The following MED13L variants were observed in gnomAD, a reference collection of about 807,000 sequenced individuals.
The protein encoded by MED13L is mediator complex subunit 13L.
A neutral mutation model predicts 220.9 loss-of-function variants in MED13L; 7 were observed. The observed-to-expected ratio is 0.03, with a 90% CI of 0.02 to 0.06. MED13L has a LOEUF of 0.06. MED13L is among the 10% of genes least tolerant of loss of function. MED13L has a pLI of 1.00. For missense variants in MED13L, 1,965 were observed against 2,760.5 expected, an observed-to-expected ratio of 0.71 and a Z score of 6.46; for synonymous variants, 1,011 against 1,015.2, an observed-to-expected ratio of 1.00 and a Z score of 0.08.
At chr12:115,972,298 G>C in intron 25 of MED13L, 62 bp from the exon 26 acceptor site, 1 of 1,591,544 alleles carries the variant, frequency 6.3e-7, no homozygotes, top group East Asian at 2.2e-5. Flanking sequence ...GGAGATTTGA[G>C]CTTTTTAGCA....
intron 4 of MED13L, among the ~76,000 whole-genome samples, chr12:116,093,679 T>C (rs1413808482): frequency 6.6e-6 from 1 of 152,014 alleles, no homozygotes; most frequent in Non-Finnish European, 1.5e-5. Flanking sequence ...GCATATACTA[T>C]CTATATGCTA....
intron 13 of MED13L, among the ~76,000 whole-genome samples, chr12:116,003,959 G>T (rs1013842518): frequency 6.6e-6 from 1 of 152,138 alleles, no homozygotes; most frequent in African/African-American, 2.4e-5. Context: ...AACACTCAGA[G>T]AAATGAAAAT....
intron 28 of MED13L, among the ~76,000 whole-genome samples, chr12:115,966,676 T>C (rs1458126733): frequency 6.6e-6 from 1 of 152,180 alleles, no homozygotes; most frequent in Non-Finnish European, 1.5e-5. Flanking sequence ...AGCACAAAAG[T>C]TCCTGAGCTG....
chr12:116,200,748 A>T (rs1043749208), intron 2 of MED13L, among the ~76,000 whole-genome samples: 4 of 152,204 alleles, frequency 2.6e-5, no homozygotes, highest in Non-Finnish European at 5.9e-5. Context: ...TTAATCAATA[A>T]ATTTGAATTT....
chr12:115,981,467 T>C (rs926463335), intron 22 of MED13L, among the ~76,000 whole-genome samples: 1 of 152,230 alleles, frequency 6.6e-6, no homozygotes, highest in Non-Finnish European at 1.5e-5. Context: ...GCATTGTTTT[T>C]CATCTATATA....
At chr12:116,065,852 A>T (rs1869878212) in intron 4 of MED13L, among the ~76,000 whole-genome samples, 1 of 152,248 alleles carries the variant, frequency 6.6e-6, no homozygotes, top group South Asian at 2.1e-4. Flanking sequence ...GTTTTGGAAG[A>T]AAAACAGAAC....
At chr12:115,982,718 A>C in intron 21 of MED13L, 115 bp from the exon 22 acceptor site, 1 of 982,558 alleles carries the variant, frequency 1.0e-6, no homozygotes, top group African/African-American at 1.6e-5. Context: ...TTTACAGATT[A>C]AAGGTAAGAG....
chr12:116,132,222 G>C (rs1876131891), intron 2 of MED13L, among the ~76,000 whole-genome samples: 1 of 149,366 alleles, frequency 6.7e-6, no homozygotes, highest in Admixed American at 6.7e-5. Context: ...AGAGACTGCA[G>C]TGAGCCGAGA....
rs935713242 is a variant in MED13L, at chr12:116,233,892, T to C, written c.310+3576A>G. Among the ~76,000 whole-genome samples the C allele has an allele frequency of 3.9e-5, 6 of 152,218 alleles. No individual in the cohort carries two copies. The South Asian group carries it at 6.2e-4, about 16-fold the overall frequency. Reference sequence around the variant, plus strand: ...ACAAGGACAGATTATAAATGTGTTATAGCCTTCTCTCAGACTATTTCAGAG... The same window carrying C: ...ACAAGGACAGATTATAAATGTGTTACAGCCTTCTCTCAGACTATTTCAGAG... On this transcript the variant is annotated intron_variant, in intron 2 of 30. Transcript: ENST00000281928.
rs36066243 is a variant in MED13L, at chr12:116,103,999, C to CTTTTTTTTTTT, written c.396-7258_396-7248dup. The stretch of plus-strand genomic sequence containing the variant: ...CACCACCACATCCAAGGACATTGCT[C>CTTTTTTTTTTT]TTTTTTTTTTTTTTTTTTTTTTTTT... On this transcript the variant is annotated intron_variant, in intron 3 of 30. Transcript: ENST00000281928. Among the ~76,000 whole-genome samples the CTTTTTTTTTTT allele has an allele frequency of 1.9e-3, 109 of 57,464 alleles. 10 individuals are homozygous for CTTTTTTTTTTT. Among genetic ancestry groups the CTTTTTTTTTTT allele is most frequent in the Non-Finnish European group, 2.2e-3 (73 of 33,478 alleles). 37.7% of individuals were successfully genotyped at this position (57,464 alleles called of 152,430 possible). A position where few individuals can be genotyped will look rare whatever the true frequency, so the allele number is the denominator to read the frequency against.
At chr12:116,140,443 G>A (rs1876967469) in intron 2 of MED13L, among the ~76,000 whole-genome samples, 1 of 152,092 alleles carries the variant, frequency 6.6e-6, no homozygotes, top group African/African-American at 2.4e-5. Context: ...TAGAGCTCTA[G>A]TTACACAGTG....
intron 2 of MED13L, among the ~76,000 whole-genome samples, chr12:116,129,121 CAG>C (rs1427141173): frequency 2.0e-5 from 3 of 152,068 alleles, no homozygotes; most frequent in Non-Finnish European, 4.4e-5. Flanking sequence ...ATTTTTAAAA[CAG>C]AATTATTTTT....
chr12:116,128,481 A>G (rs1236133305), intron 2 of MED13L, among the ~76,000 whole-genome samples: 1 of 152,070 alleles, frequency 6.6e-6, no homozygotes, highest in Non-Finnish European at 1.5e-5. Flanking sequence ...AAAATACCAC[A>G]ATAAACTCAC....
At position 115,991,198 on chromosome 12, in the gene MED13L, T is replaced by C. The variant is rs952740214; in HGVS notation, c.3756A>G (p.Gln1252=). ...AACTCCAGCTTACACAGGGAAGAGT[T>C]TGGCGATTGTTAGAGGAAATGTAGT... is the stretch of plus-strand genomic sequence containing the variant. ...FLDYISSNNR[Q]TLPCVSWSYD... The change falls in exon 17 of 31, where the codon CAA becomes CAG. Residue 1252 remains glutamine (Q), a synonymous_variant. Transcript: ENST00000281928. The surrounding 1 kb of genome is among the most constrained non-coding windows in gnomAD (Gnocchi z 7.7). 8.1e-6 allele frequency: 13 copies of C among 1,614,042 alleles called. No homozygotes were observed. Among genetic ancestry groups the C allele is most frequent in the Admixed American group, 3.3e-5 (2 of 59,998 alleles).
chr12:116,032,498 C>T (rs1396685804), intron 4 of MED13L, among the ~76,000 whole-genome samples: 1 of 152,164 alleles, frequency 6.6e-6, no homozygotes, highest in Non-Finnish European at 1.5e-5. Context: ...AACCAAATTG[C>T]CTATTGCTCT....
chr12:115,978,916 A>G (rs1194716724), intron 23 of MED13L, among the ~76,000 whole-genome samples: 1 of 152,242 alleles, frequency 6.6e-6, no homozygotes, highest in East Asian at 1.9e-4. Flanking sequence ...TTCACATGTG[A>G]TAACTTGCAT....
At position 115,986,554 on chromosome 12, in the gene MED13L, A is replaced by G. The variant is rs1189093264; in HGVS notation, c.4115-65T>C. ...TTTCCCACAACCTTACAATTTTGAA[A>G]TTCCTGGTGCACTGGTCTTAATTCT... On this transcript the variant is annotated intron_variant, in intron 18 of 30. Transcript: ENST00000281928. 3.9e-5 allele frequency: 57 copies of G among 1,445,182 alleles called. No individual in the cohort carries two copies. The South Asian group carries it at 4.4e-4, about 11-fold the overall frequency. The allele number at this position is 1,445,182 out of a possible 1,614,324, so 89.5% of individuals were successfully genotyped here.
chr12:115,979,125 A>G (rs544457712), intron 23 of MED13L, among the ~76,000 whole-genome samples: 1 of 152,380 alleles, frequency 6.6e-6, no homozygotes, highest in East Asian at 1.9e-4. Context: ...AATGCAGATT[A>G]AAATGTATAA....
At chr12:116,149,824 C>T (rs976425240) in intron 2 of MED13L, among the ~76,000 whole-genome samples, 1 of 152,072 alleles carries the variant, frequency 6.6e-6, no homozygotes, top group Admixed American at 6.6e-5. Flanking sequence ...CTTTCATATG[C>T]CCCTATAGTG....
Sources: allele counts gnomAD v4.1 joint callset (sites outside exome capture counted in the v4.1 genomes callset), GRCh38; gene constraint gnomAD v4.1.1; non-coding constraint Gnocchi (gnomAD v3.1); transcripts MANE v1.5; gene names NCBI Gene and HGNC (gene_info 2026-07-23, HGNC 2026-07-21).